HIPK2: variants seen among roughly 807,000 people sequenced by gnomAD.
HIPK2 encodes the protein homeodomain interacting protein kinase 2, also known as homeodomain-interacting protein kinase 2.
A neutral mutation model predicts 113.7 loss-of-function variants in HIPK2; 27 were observed. The observed-to-expected ratio is 0.24, with a 90% CI of 0.17 to 0.33. The LOEUF (loss-of-function observed/expected upper bound fraction) is 0.33. Among genes scored for constraint, HIPK2 ranks in the 10% least tolerant of loss-of-function variants. HIPK2 has a pLI of 1.00. For missense variants in HIPK2, 1,257 were observed against 1,588.0 expected (o/e 0.79, Z 3.54); for synonymous variants, 631 against 642.2 (o/e 0.98, Z 0.26).
intron 1 of HIPK2, among the ~76,000 whole-genome samples, chr7:139,753,128 C>T (rs190496780): frequency 2.6e-4 from 39 of 152,314 alleles, no homozygotes; most frequent in Admixed American, 9.8e-4. Flanking sequence ...CCAGTGGGCA[C>T]AGGGCTTTGC....
intron 10 of HIPK2, among the ~76,000 whole-genome samples, chr7:139,603,539 T>C (rs1350590326): frequency 6.6e-6 from 1 of 151,992 alleles, no homozygotes; most frequent in Non-Finnish European, 1.5e-5. Context: ...CTGTAAGATA[T>C]GACTATTAAC....
intron 1 of HIPK2, among the ~76,000 whole-genome samples, chr7:139,765,522 ATTTTATCTGTT>A (rs1394478507): frequency 2.6e-5 from 4 of 152,156 alleles, no homozygotes; most frequent in African/African-American, 9.7e-5. Flanking sequence ...CAGGGCAGGA[ATTTTATCTGTT>A]TTGCTCAATG....
At chr7:139,776,575 AT>A (rs1164273258) in intron 1 of HIPK2, among the ~76,000 whole-genome samples, 2 of 151,376 alleles carry the variant, frequency 1.3e-5, no homozygotes, top group Non-Finnish European at 2.9e-5. Flanking sequence ...CTCATTTGCG[AT>A]TTCATCCACA....
intron 2 of HIPK2, among the ~76,000 whole-genome samples, chr7:139,710,418 C>T (rs1009206285): frequency 5.9e-5 from 9 of 152,298 alleles, no homozygotes; most frequent in Non-Finnish European, 1.0e-4. Context: ...CTTTTAATTT[C>T]TTGAACTGGC....
intron 1 of HIPK2, among the ~76,000 whole-genome samples, chr7:139,755,057 T>A (rs1548750): frequency 0.017 from 2,637 of 152,300 alleles, 68 homozygotes; most frequent in African/African-American, 0.059. Flanking sequence ...ATGGGGGGGA[T>A]GCACATCCTG....
chr7:139,648,481 G>C (rs1400912831), intron 2 of HIPK2, among the ~76,000 whole-genome samples: 3 of 152,086 alleles, frequency 2.0e-5, no homozygotes, highest in African/African-American at 4.8e-5. Flanking sequence ...GCGGCTTTCG[G>C]GTTACACAGT....
intron 12 of HIPK2, among the ~76,000 whole-genome samples, chr7:139,587,035 T>C (rs1798853890): frequency 6.6e-6 from 1 of 152,168 alleles, no homozygotes; most frequent in South Asian, 2.1e-4. Flanking sequence ...CTATACAGCA[T>C]TATGAATATA....
intron 2 of HIPK2, among the ~76,000 whole-genome samples, chr7:139,679,045 C>A (rs932720721): frequency 6.6e-6 from 1 of 152,198 alleles, no homozygotes; most frequent in African/African-American, 2.4e-5. Context: ...TGCTTATCAG[C>A]TTAAGGAGAT....
At chr7:139,675,165 C>G (rs566794529) in intron 2 of HIPK2, among the ~76,000 whole-genome samples, 4 of 152,222 alleles carry the variant, frequency 2.6e-5, no homozygotes, top group Non-Finnish European at 5.9e-5. Context: ...CTGACTAATT[C>G]ACAGAATGAG....
chr7:139,652,974 A>T (rs1801517325), intron 2 of HIPK2, among the ~76,000 whole-genome samples: 1 of 151,906 alleles, frequency 6.6e-6, no homozygotes, highest in Non-Finnish European at 1.5e-5. Context: ...CCCCACCTCT[A>T]CTAAAAATAC....
At chr7:139,739,293 A>C (rs1487239662) in intron 1 of HIPK2, among the ~76,000 whole-genome samples, 3 of 152,244 alleles carry the variant, frequency 2.0e-5, no homozygotes, top group East Asian at 3.8e-4. Context: ...ACATTTTAAA[A>C]ATGTACAGTT....
chr7:139,585,946 C>T (rs1165743195), intron 12 of HIPK2, among the ~76,000 whole-genome samples: 8 of 151,992 alleles, frequency 5.3e-5, no homozygotes, highest in African/African-American at 1.9e-4. Context: ...AATACCTATA[C>T]AAAGAAATAT....
chr7:139,602,248 C>G (rs1040674173), intron 10 of HIPK2, among the ~76,000 whole-genome samples: 3 of 152,054 alleles, frequency 2.0e-5, no homozygotes, highest in African/African-American at 7.2e-5. Context: ...CCACTGCATC[C>G]GACCAAGAAA....
chr7:139,620,295 C>T lies in HIPK2; in HGVS notation c.1782+106G>A, dbSNP rs80343645. On this transcript the variant is annotated intron_variant, in intron 7 of 14. Coordinates refer to ENST00000406875, the MANE Select transcript of HIPK2 (RefSeq NM_022740.5). ...GCAAATACTTTGTTTAGTTGTTGAA[C>T]ATGACAGCAGGAATTTTGCCTCCTG... is the stretch of plus-strand genomic sequence containing the variant. 2.6e-3 allele frequency: 3,798 copies of T among 1,463,626 alleles called. 84 individuals carry two copies. In the African/African-American group the frequency reaches 0.046, roughly 18 times the overall value. 90.7% of individuals were successfully genotyped at this position (1,463,626 alleles called of 1,614,324 possible). A position where few individuals can be genotyped will look rare whatever the true frequency, so the allele number is the denominator to read the frequency against.
At chr7:139,606,047 T>C (rs1276431446) in intron 9 of HIPK2, among the ~76,000 whole-genome samples, 3 of 152,254 alleles carry the variant, frequency 2.0e-5, no homozygotes, top group Non-Finnish European at 4.4e-5. Flanking sequence ...ATTTTTCTTC[T>C]ATTTCCCTGA....
rs562432714 is a variant in HIPK2, at chr7:139,723,719, TA to T, written c.20-6705del. Among the ~76,000 whole-genome samples the T allele has an allele frequency of 9.9e-5, 15 of 151,200 alleles. No individual in the cohort carries two copies. The South Asian group carries it at 2.1e-3, about 21-fold the overall frequency. On this transcript the variant is annotated intron_variant, in intron 1 of 14. Coordinates refer to ENST00000406875, the MANE Select transcript of HIPK2 (RefSeq NM_022740.5). ...AGGATGAGTGAGGGTTCAACTACAA[TA>T]AAAAAAAATAAATTGAATTCAATTT...
At chr7:139,646,798 G>C (rs1013003560) in intron 2 of HIPK2, among the ~76,000 whole-genome samples, 1 of 152,120 alleles carries the variant, frequency 6.6e-6, no homozygotes, top group African/African-American at 2.4e-5. Context: ...GGGAAGAAAG[G>C]AAGGCAGGAG....
intron 1 of HIPK2, among the ~76,000 whole-genome samples, chr7:139,718,696 G>A (rs947201948): frequency 1.3e-5 from 2 of 152,146 alleles, no homozygotes; most frequent in South Asian, 4.1e-4. Flanking sequence ...TTGGATCCAA[G>A]TATTTAGTAG....
rs988789647 is a variant in HIPK2 at position 139,716,204 on chromosome 7, G to A, written c.831C>T (p.Phe277=). The A allele has an allele frequency of 1.7e-5, 28 of 1,613,894 alleles. No individual in the cohort carries two copies. The highest frequency in any genetic ancestry group is 4.5e-5 in the East Asian group (2 of 44,904). Residue 277 remains phenylalanine (F), a synonymous_variant, in exon 2 of 15, where the codon TTC becomes TTT. Coordinates refer to ENST00000406875, the MANE Select transcript of HIPK2 (RefSeq NM_022740.5). This position sits in a 1 kb window ranked among gnomAD's most constrained non-coding sequence, Gnocchi z 9.3. ...CATAGAGGTTCTGCTCCAACATCTC[G>A]AAGACCAAGCACGTGTGGTTCTTGT... ...FQHKNHTCLV[F]EMLEQNLYDF...
Sources: allele counts gnomAD v4.1 joint callset (sites outside exome capture counted in the v4.1 genomes callset), GRCh38; gene constraint gnomAD v4.1.1; non-coding constraint Gnocchi (gnomAD v3.1); transcripts MANE v1.5; gene names NCBI Gene and HGNC (gene_info 2026-07-23, HGNC 2026-07-21).